Variants in PRKAR1B observed in about 807,000 individuals in gnomAD.
PRKAR1B encodes protein kinase cAMP-dependent type I regulatory subunit beta.
PRKAR1B carries 22 observed loss-of-function variants against 46.5 expected under a neutral mutation model. The observed-to-expected ratio is 0.47, with a 90% CI of 0.34 to 0.68. The LOEUF (loss-of-function observed/expected upper bound fraction) is 0.68, where lower values mean the gene tolerates loss of function less well. PRKAR1B is among the 30% of genes least tolerant of loss of function. The pLI, the probability that PRKAR1B is intolerant of heterozygous loss-of-function variation, is 0.01. For synonymous variants in PRKAR1B, 259 were observed against 217.7 expected, an observed-to-expected ratio of 1.19 and a Z score of -1.67; for missense variants, 445 against 535.6, an observed-to-expected ratio of 0.83 and a Z score of 1.67.
intron 9 of PRKAR1B, among the ~76,000 whole-genome samples, chr7:576,537 C>G (rs1374285722): frequency 2.6e-5 from 4 of 152,166 alleles, no homozygotes; most frequent in African/African-American, 9.7e-5. Flanking sequence ...TTCATTCACA[C>G]AATGAGCATT....
chr7:705,146 G>A (rs1251242632), intron 2 of PRKAR1B, among the ~76,000 whole-genome samples: 3 of 151,686 alleles, frequency 2.0e-5, no homozygotes, highest in Admixed American at 1.3e-4. Context: ...ACAAAAACTA[G>A]CTAGGCATGG....
intron 2 of PRKAR1B, among the ~76,000 whole-genome samples, chr7:693,136 T>C (rs555304104): frequency 6.6e-6 from 1 of 151,948 alleles, no homozygotes; most frequent in Non-Finnish European, 1.5e-5. Context: ...GGTTTCCCCA[T>C]GTTGGCCAAG....
At chr7:596,556 C>G (rs1781275540) in intron 6 of PRKAR1B, among the ~76,000 whole-genome samples, 1 of 152,252 alleles carries the variant, frequency 6.6e-6, no homozygotes, top group African/African-American at 2.4e-5. Flanking sequence ...GAGGGCCCAG[C>G]CGCCAGTGCC....
At chr7:606,061 C>A in intron 6 of PRKAR1B, 132 bp downstream of exon 6, 1 of 803,424 alleles carries the variant, frequency 1.2e-6, no homozygotes. Flanking sequence ...AGTTGCATTT[C>A]TGGATTAAAA....
At chr7:654,969 T>C (rs79564467) in intron 4 of PRKAR1B, among the ~76,000 whole-genome samples, 3,834 of 152,268 alleles carry the variant, frequency 0.025, 58 homozygotes, top group Non-Finnish European at 0.031. Context: ...AGCTGAACCA[T>C]CTCAGGCTAG....
At chr7:638,113 C>T (rs919025132) in intron 4 of PRKAR1B, among the ~76,000 whole-genome samples, 7 of 152,232 alleles carry the variant, frequency 4.6e-5, no homozygotes, top group African/African-American at 1.2e-4. Context: ...GGCCCAGGCC[C>T]GCGTGGGCAC....
intron 4 of PRKAR1B, among the ~76,000 whole-genome samples, chr7:647,024 C>T (rs1042859523): frequency 1.3e-5 from 2 of 152,192 alleles, no homozygotes; most frequent in Non-Finnish European, 2.9e-5. Flanking sequence ...AAGTGAAACA[C>T]CAAAGGGGCC....
chr7:633,700 C>G (rs1278102840), intron 4 of PRKAR1B, among the ~76,000 whole-genome samples: 1 of 152,222 alleles, frequency 6.6e-6, no homozygotes, highest in Non-Finnish European at 1.5e-5. Flanking sequence ...AATGCTGGGA[C>G]GCAGGTTGGG....
At chr7:647,567 G>A (rs1784680594) in intron 4 of PRKAR1B, among the ~76,000 whole-genome samples, 1 of 152,030 alleles carries the variant, frequency 6.6e-6, no homozygotes, top group Non-Finnish European at 1.5e-5. Context: ...AGCACTTTGG[G>A]GGGCCGAGAC....
Position 549,605 on chromosome 7 carries a change from T to A in PRKAR1B, c.*825A>T, listed in dbSNP as rs1048887230. ...GGTCGGGGCGTGTGGGGCCCGCGGC[T>A]GGCTTGACTTCTGCTTTCCCCCAAC... On this transcript the variant is annotated 3_prime_UTR_variant, in exon 11 of 11. Coordinates refer to ENST00000537384, the MANE Select transcript of PRKAR1B (RefSeq NM_001164760.2). 1 of 152,078 alleles carries A rather than the reference T, an allele frequency of 6.6e-6. No homozygotes were observed. Among genetic ancestry groups the A allele is most frequent in the Non-Finnish European group, 1.5e-5 (1 of 68,056 alleles). The allele number at this position is 152,078 out of a possible 1,614,324, so 9.4% of individuals were successfully genotyped here.
chr7:711,200 C>T, intron 2 of PRKAR1B, 129 bp downstream of exon 2: 3 of 1,302,966 alleles, frequency 2.3e-6, no homozygotes, highest in Non-Finnish European at 2.1e-6. Flanking sequence ...GAAGGACCTG[C>T]AGGACGGCAG....
intron 4 of PRKAR1B, among the ~76,000 whole-genome samples, chr7:618,062 T>C (rs943160152): frequency 1.1e-4 from 16 of 151,328 alleles, no homozygotes; most frequent in Admixed American, 2.0e-4. Context: ...CCAGGACCAG[T>C]GCAGGCTCCT....
chr7:701,671 G>C (rs1780076539), intron 2 of PRKAR1B, among the ~76,000 whole-genome samples: 1 of 152,218 alleles, frequency 6.6e-6, no homozygotes, highest in Non-Finnish European at 1.5e-5. Flanking sequence ...TCAAAAGGCT[G>C]ATTTGTCATC....
At chr7:581,325 A>AAAG (rs1562535183) in intron 8 of PRKAR1B, among the ~76,000 whole-genome samples, 2 of 146,054 alleles carry the variant, frequency 1.4e-5, no homozygotes, top group Non-Finnish European at 3.0e-5. Flanking sequence ...AAAAAAAAAA[A>AAAG]GTCTGTACCA....
At chr7:701,296 A>C (rs1780054101) in intron 2 of PRKAR1B, among the ~76,000 whole-genome samples, 1 of 139,744 alleles carries the variant, frequency 7.2e-6, no homozygotes, top group Non-Finnish European at 1.5e-5. Context: ...GAAAGAAAGA[A>C]AGAAAAAGAA....
At chr7:635,168 C>T (rs1423073770) in intron 4 of PRKAR1B, among the ~76,000 whole-genome samples, 2 of 152,164 alleles carry the variant, frequency 1.3e-5, no homozygotes, top group East Asian at 1.9e-4. Context: ...ACCAAAAAAC[C>T]GGACTTCCAG....
chr7:570,096 C>G (rs146632011), intron 9 of PRKAR1B, among the ~76,000 whole-genome samples: 1 of 152,388 alleles, frequency 6.6e-6, no homozygotes, highest in East Asian at 1.9e-4. Context: ...TGGCACCCAC[C>G]CACAGTGACC....
chr7:687,413 AC>A (rs1398486946), intron 2 of PRKAR1B, among the ~76,000 whole-genome samples: 2 of 152,232 alleles, frequency 1.3e-5, no homozygotes, highest in Non-Finnish European at 1.5e-5. Flanking sequence ...AATCAAAAAA[AC>A]ATAAAAATTG....
At chr7:674,178 T>C (rs1456198904) in intron 4 of PRKAR1B, among the ~76,000 whole-genome samples, 1 of 152,080 alleles carries the variant, frequency 6.6e-6, no homozygotes, top group Non-Finnish European at 1.5e-5. Context: ...CCTGGACACC[T>C]CCCAGGATGG....
Sources: gnomAD v4.1 joint callset for allele counts (sites outside exome capture counted in the v4.1 genomes callset) on GRCh38, gnomAD v4.1.1 for gene constraint, MANE v1.5 for transcripts, NCBI Gene and HGNC (gene_info 2026-07-23, HGNC 2026-07-21) for gene names.